The following RBPMS variants were observed in gnomAD, a reference collection of about 807,000 sequenced individuals.
RBPMS encodes the protein RNA binding protein, mRNA processing factor.
Under a neutral mutation model 26.8 loss-of-function variants are expected in RBPMS, and 7 were observed. The ratio of observed to expected loss-of-function variants is 0.26; its 90% CI spans 0.15 to 0.49. The LOEUF is 0.49. Among genes scored for constraint, RBPMS ranks in the 20% least tolerant of loss-of-function variants. The probability of loss-of-function intolerance (pLI) is 0.98; values close to 1 mark genes in which losing one functional copy is unlikely to be tolerated. For missense variants in RBPMS, 186 were observed against 250.0 expected (o/e 0.74, Z 1.73); for synonymous variants, 96 against 93.3 (o/e 1.03, Z -0.17).
At chr8:30,526,252 A>C (rs1823572546) in intron 5 of RBPMS, among the ~76,000 whole-genome samples, 1 of 152,214 alleles carries the variant, frequency 6.6e-6, no homozygotes, top group African/African-American at 2.4e-5. Flanking sequence ...CTTTGCCTTC[A>C]GGCTTTTTGC....
At chr8:30,556,671 C>CA (rs1470914025) in intron 6 of RBPMS, 2 of 985,948 alleles carry the variant, frequency 2.0e-6, no homozygotes, top group Non-Finnish European at 2.4e-6. Context: ...TCCAGCCCCC[C>CA]ACCTGCCATG....
intron 1 of RBPMS, among the ~76,000 whole-genome samples, chr8:30,422,622 G>A (rs559986387): frequency 2.0e-5 from 3 of 152,060 alleles, no homozygotes; most frequent in Admixed American, 6.6e-5. Context: ...AGAGTGTTCC[G>A]TAGCACCTCC....
chr8:30,465,740 A>T (rs186097170), intron 1 of RBPMS, among the ~76,000 whole-genome samples: 12 of 152,298 alleles, frequency 7.9e-5, no homozygotes, highest in African/African-American at 2.9e-4. Context: ...AGTGTGCCGA[A>T]ATCGTGCCAC....
chr8:30,498,248 C>G (rs186821282), intron 4 of RBPMS, among the ~76,000 whole-genome samples: 1 of 151,964 alleles, frequency 6.6e-6, no homozygotes, highest in African/African-American at 2.4e-5. Context: ...GAGGTAGAGC[C>G]TTTGATTATT....
At chr8:30,458,072 C>T (rs1057255219) in intron 1 of RBPMS, among the ~76,000 whole-genome samples, 9 of 152,132 alleles carry the variant, frequency 5.9e-5, no homozygotes, top group Non-Finnish European at 1.3e-4. Context: ...TATGCACATC[C>T]TCCTGTACAT....
At chr8:30,412,573 C>T (rs1809584378) in intron 1 of RBPMS, among the ~76,000 whole-genome samples, 1 of 152,094 alleles carries the variant, frequency 6.6e-6, no homozygotes, top group Admixed American at 6.6e-5. Flanking sequence ...TAGTAAAATC[C>T]ATTTAAACAG....
At chr8:30,439,543 T>C (rs1027576149) in intron 1 of RBPMS, among the ~76,000 whole-genome samples, 2 of 152,208 alleles carry the variant, frequency 1.3e-5, no homozygotes, top group African/African-American at 4.8e-5. Flanking sequence ...ATTGTGATGA[T>C]ACATTCTTCT....
At chr8:30,410,217 T>A (rs1276284538) in intron 1 of RBPMS, among the ~76,000 whole-genome samples, 2 of 151,462 alleles carry the variant, frequency 1.3e-5, no homozygotes, top group Non-Finnish European at 2.9e-5. Context: ...TTATTTATTA[T>A]TTTTTTTGAG....
intron 1 of RBPMS, chr8:30,446,828 T>C (rs1346552413): frequency 1.2e-3 from 117 of 99,188 alleles, no homozygotes; most frequent in African/African-American, 5.7e-3. Context: ...TGTGTGTGTG[T>C]GTGTGTGTGT....
intron 5 of RBPMS, among the ~76,000 whole-genome samples, chr8:30,533,704 A>T (rs1331851561): frequency 6.6e-6 from 1 of 152,222 alleles, no homozygotes; most frequent in Non-Finnish European, 1.5e-5. Flanking sequence ...ATAAGTACTC[A>T]TTACTCAAAG....
At chr8:30,413,981 A>T (rs2150589964) in intron 1 of RBPMS, among the ~76,000 whole-genome samples, 1 of 152,310 alleles carries the variant, frequency 6.6e-6, no homozygotes, top group Non-Finnish European at 1.5e-5. Flanking sequence ...ACCTCAGGTG[A>T]TCCGCCCACC....
intron 1 of RBPMS, among the ~76,000 whole-genome samples, chr8:30,450,242 C>G (rs1240632829): frequency 2.6e-5 from 4 of 152,152 alleles, no homozygotes. Context: ...AAGTAAGTTG[C>G]TTAAAAACCC....
In RBPMS at chr8:30,385,113, C is replaced by G. The variant is rs770647157; in HGVS notation, c.21C>G (p.Ala7=). Residue 7 remains alanine (A), a synonymous_variant, in exon 1 of 9, where the codon GCC becomes GCG. Coordinates refer to ENST00000397323, the MANE Select transcript of RBPMS (RefSeq NM_001008710.3). Reference sequence around the variant, plus strand: ...GGAAGATGAACAACGGCGGCAAAGCCGAGAAGGAGAACACCCCGAGCGAGG... The same window carrying G: ...GGAAGATGAACAACGGCGGCAAAGCGGAGAAGGAGAACACCCCGAGCGAGG... The part of the protein sequence containing the change: MNNGGK[A]EKENTPSEAN... 7 of 1,527,146 alleles carry G rather than the reference C, an allele frequency of 4.6e-6. No homozygotes were observed. The South Asian group carries it at 7.4e-5, about 16-fold the overall frequency. The allele number at this position is 1,527,146 out of a possible 1,614,324, so 94.6% of individuals were successfully genotyped here. A position where few individuals can be genotyped will look rare whatever the true frequency, so the allele number is the denominator to read the frequency against.
intron 6 of RBPMS, chr8:30,556,168 CTG>C (rs1382704267): frequency 1.0e-6 from 1 of 985,316 alleles, no homozygotes; most frequent in African/African-American, 1.7e-5. Context: ...ATTCAGGGGT[CTG>C]TGTGTCCGCC....
chr8:30,518,689 T>TTTTTTTTTTTTTTC (rs1822640267), intron 5 of RBPMS, among the ~76,000 whole-genome samples: 1 of 98,198 alleles, frequency 1.0e-5, no homozygotes, highest in Admixed American at 9.5e-5. Flanking sequence ...AAGCATGACT[T>TTTTTTTTTTTTTTC]TTTTTTTTTT....
At chr8:30,435,126 C>G (rs1432256407) in intron 1 of RBPMS, among the ~76,000 whole-genome samples, 1 of 152,156 alleles carries the variant, frequency 6.6e-6, no homozygotes, top group Non-Finnish European at 1.5e-5. Context: ...TGACATGACG[C>G]CTCACATCTC....
chr8:30,465,618 C>G (rs182357052), intron 1 of RBPMS, among the ~76,000 whole-genome samples: 3 of 152,262 alleles, frequency 2.0e-5, no homozygotes, highest in Non-Finnish European at 4.4e-5. Context: ...GAAACCCTGT[C>G]TCTGCCAAAA....
intron 1 of RBPMS, among the ~76,000 whole-genome samples, chr8:30,428,568 T>G (rs1316336472): frequency 1.3e-5 from 2 of 152,184 alleles, no homozygotes; most frequent in Non-Finnish European, 2.9e-5. Flanking sequence ...GAGAGAACAT[T>G]ATATAGATGT....
At chr8:30,540,109 AAGAG>A (rs1197119280) in intron 5 of RBPMS, among the ~76,000 whole-genome samples, 1 of 152,194 alleles carries the variant, frequency 6.6e-6, no homozygotes, top group Non-Finnish European at 1.5e-5. Context: ...CTGCCCCCAG[AAGAG>A]GCATCTAAGC....
Sources: gnomAD v4.1 joint callset for allele counts (sites outside exome capture counted in the v4.1 genomes callset) on GRCh38, gnomAD v4.1.1 for gene constraint, MANE v1.5 for transcripts, NCBI Gene and HGNC (gene_info 2026-07-23, HGNC 2026-07-21) for gene names.